The following RASGRF1 variants were observed in gnomAD, a reference collection of about 807,000 sequenced individuals.
RASGRF1 encodes ras-specific guanine nucleotide-releasing factor 1.
Under a neutral mutation model 138.7 loss-of-function variants are expected in RASGRF1, and 40 were observed. The ratio of observed to expected loss-of-function variants is 0.29; its 90% CI spans 0.22 to 0.38. RASGRF1 has a LOEUF of 0.38. RASGRF1 is among the 10% of genes least tolerant of loss of function. The pLI, the probability that RASGRF1 is intolerant of heterozygous loss-of-function variation, is 1.00. For missense variants in RASGRF1, 1,108 were observed against 1,650.4 expected (o/e 0.67, Z 5.69); for synonymous variants, 614 against 663.2 (o/e 0.93, Z 1.14).
chr15:78,989,717 G>C (rs1157671568), intron 22 of RASGRF1, among the ~76,000 whole-genome samples: 1 of 152,140 alleles, frequency 6.6e-6, no homozygotes, highest in Non-Finnish European at 1.5e-5. Context: ...ATGAATTAGA[G>C]GGAAGCTGTC....
At position 78,973,556 on chromosome 15, in the gene RASGRF1, CT is replaced by C; in HGVS notation, c.3495-137del. 3.1e-6 allele frequency: 2 copies of C among 638,278 alleles called. No homozygotes were observed. The highest frequency in any genetic ancestry group is 5.4e-6 in the Non-Finnish European group (2 of 367,226). The allele number at this position is 638,278 out of a possible 1,614,324, so 39.5% of individuals were successfully genotyped here. On this transcript the variant is annotated intron_variant, in intron 24 of 26. Transcript: ENST00000558480. The surrounding 1 kb of genome is among the most constrained non-coding windows in gnomAD (Gnocchi z 4.9). ...CAGTCACCAAGAATCACACTACACT[CT>C]AGAACTGACTATTCTACACGCCCAG...
At chr15:79,035,348 C>A (rs2057205009) in intron 5 of RASGRF1, 138 bp from the exon 6 acceptor site, 2 of 633,646 alleles carry the variant, frequency 3.2e-6, no homozygotes, top group Non-Finnish European at 5.5e-6. Context: ...ACTGCACCGG[C>A]AGGATGGATC....
chr15:79,040,134 G>A (rs1275928084), intron 5 of RASGRF1, among the ~76,000 whole-genome samples: 3 of 151,698 alleles, frequency 2.0e-5, no homozygotes, highest in South Asian at 2.1e-4. Flanking sequence ...CCCTGACCTC[G>A]GGTCTACCCC....
chr15:79,051,042 A>G (rs1264352680), intron 3 of RASGRF1, among the ~76,000 whole-genome samples: 3 of 152,226 alleles, frequency 2.0e-5, no homozygotes, highest in Non-Finnish European at 4.4e-5. Context: ...AGCAGCAACA[A>G]AAACATTAAC....
chr15:79,039,296 CAAAAAAAAAA>C (rs71148587), intron 5 of RASGRF1, among the ~76,000 whole-genome samples: 16 of 50,374 alleles, frequency 3.2e-4, no homozygotes, highest in South Asian at 9.5e-4. Flanking sequence ...GACCCTGTCT[CAAAAAAAAAA>C]AAAAAAAAAA....
intron 19 of RASGRF1, among the ~76,000 whole-genome samples, chr15:78,997,072 C>A (rs992529451): frequency 6.6e-6 from 1 of 152,208 alleles, no homozygotes; most frequent in Non-Finnish European, 1.5e-5. Context: ...CTCATCCCAG[C>A]CTTGAAGCGG....
chr15:79,084,970 C>G (rs1266294918), intron 1 of RASGRF1, among the ~76,000 whole-genome samples: 1 of 152,138 alleles, frequency 6.6e-6, no homozygotes, highest in African/African-American at 2.4e-5. Context: ...TTCCTTCATC[C>G]TCTCAGGGCT....
At chr15:79,090,080 C>G in intron 1 of RASGRF1, 143 bp downstream of exon 1, 1 of 1,221,222 alleles carries the variant, frequency 8.2e-7, no homozygotes, top group Non-Finnish European at 1.1e-6. Context: ...AGCAAGCCTC[C>G]CCTCTCGCTG....
In RASGRF1 at chr15:79,041,833, G is replaced by A. The variant is rs74453999; in HGVS notation, c.878+4913C>T. On this transcript the variant is annotated intron_variant, in intron 5 of 26. Transcript: ENST00000558480. ...TCATGGGTTCCAGGGCCTGCCCCTC[G>A]TCACCCTCCAGCCCATGCAGACAGG... Among the ~76,000 whole-genome samples the A allele has an allele frequency of 6.4e-3, 971 of 152,202 alleles. 8 individuals are homozygous for A. Among genetic ancestry groups the A allele is most frequent in the Non-Finnish European group, 9.4e-3 (640 of 68,010 alleles).
rs575820437 is a variant in RASGRF1, at chr15:79,079,499, C to T, written c.276+10724G>A. Reference sequence around the variant, plus strand: ...GATAGCATGTCCACACCATGGAATACTATAGAGCCACAAAAAAGAATGGTG... The same window carrying T: ...GATAGCATGTCCACACCATGGAATATTATAGAGCCACAAAAAAGAATGGTG... On this transcript the variant is annotated intron_variant, in intron 1 of 26. Transcript: ENST00000558480. Among the ~76,000 whole-genome samples the T allele has an allele frequency of 9.4e-5, 14 of 149,722 alleles. No homozygotes were observed. The South Asian group carries it at 1.7e-3, about 18-fold the overall frequency.
At chr15:79,024,473 C>T (rs1260897647) in intron 10 of RASGRF1, among the ~76,000 whole-genome samples, 2 of 151,934 alleles carry the variant, frequency 1.3e-5, no homozygotes, top group Admixed American at 1.3e-4. Flanking sequence ...CACATACATA[C>T]ATACTGATAT....
chr15:79,071,370 T>TA (rs2057752876), intron 1 of RASGRF1, among the ~76,000 whole-genome samples: 1 of 151,498 alleles, frequency 6.6e-6, no homozygotes. Flanking sequence ...TTTTCTTTTT[T>TA]TTTTTTTGAG....
At chr15:79,076,856 C>T (rs7163024) in intron 1 of RASGRF1, among the ~76,000 whole-genome samples, 40,649 of 152,134 alleles carry the variant, frequency 0.27, 6,253 homozygotes, top group South Asian at 0.51. Context: ...TGGCACCGTG[C>T]CTTGGCCAGA....
chr15:79,088,036 C>G (rs1218242758), intron 1 of RASGRF1, among the ~76,000 whole-genome samples: 1 of 152,148 alleles, frequency 6.6e-6, no homozygotes, highest in Non-Finnish European at 1.5e-5. Context: ...CACTGATGTT[C>G]CTCCCATGAT....
At chr15:79,041,591 G>A (rs376382429) in intron 5 of RASGRF1, among the ~76,000 whole-genome samples, 83 of 152,228 alleles carry the variant, frequency 5.5e-4, no homozygotes, top group Admixed American at 2.6e-4. Flanking sequence ...TAGGACTGCT[G>A]TTGGAAGGAG....
chr15:79,001,630 T>C, intron 16 of RASGRF1, 32 bp downstream of exon 16: 1 of 1,610,006 alleles, frequency 6.2e-7, no homozygotes, highest in Non-Finnish European at 8.5e-7. Flanking sequence ...AAACTGGAAA[T>C]CTATTTGTGG....
intron 13 of RASGRF1, among the ~76,000 whole-genome samples, chr15:79,012,744 G>C (rs1946371537): frequency 6.6e-6 from 1 of 152,136 alleles, no homozygotes; most frequent in South Asian, 2.1e-4. Flanking sequence ...GTGCAGTGGT[G>C]AGGTCTCGGC....
At chr15:78,964,447 TC>T (rs1332979767) in intron 26 of RASGRF1, among the ~76,000 whole-genome samples, 2 of 152,200 alleles carry the variant, frequency 1.3e-5, no homozygotes, top group African/African-American at 4.8e-5. Context: ...AGTGCTGGGA[TC>T]ACAGGCATGA....
intron 17 of RASGRF1, 88 bp downstream of exon 17, chr15:78,999,655 G>A: frequency 1.3e-6 from 2 of 1,499,454 alleles, no homozygotes; most frequent in South Asian, 2.5e-5. Context: ...ACCCACAGCA[G>A]AGCAAGTCCC....
Sources: gnomAD v4.1 joint callset for allele counts (sites outside exome capture counted in the v4.1 genomes callset) on GRCh38, gnomAD v4.1.1 for gene constraint, Gnocchi (gnomAD v3.1) non-coding constraint, MANE v1.5 for transcripts, NCBI Gene and HGNC (gene_info 2026-07-23, HGNC 2026-07-21) for gene names.